FARS2: variants seen among roughly 807,000 people sequenced by gnomAD.
FARS2 encodes phenylalanine--tRNA ligase, mitochondrial.
In FARS2, 40 loss-of-function variants were observed where a neutral mutation model predicts 46.4. That is an observed-to-expected ratio of 0.86 (90% CI 0.67 to 1.12). The LOEUF is 1.12. Among genes scored for constraint, FARS2 ranks in the 50% most tolerant of loss-of-function variants. The pLI is 0.00. For missense variants in FARS2, 513 were observed against 567.9 expected (o/e 0.90, Z 0.98); for synonymous variants, 234 against 214.9 (o/e 1.09, Z -0.78).
chr6:5,714,213 C>T (rs978829982), intron 6 of FARS2, among the ~76,000 whole-genome samples: 1 of 152,104 alleles, frequency 6.6e-6, no homozygotes, highest in Admixed American at 6.5e-5. Context: ...GTTTAGGAGG[C>T]CATCGTTGGG....
chr6:5,433,252 C>T (rs2127773275), intron 4 of FARS2, among the ~76,000 whole-genome samples: 1 of 152,302 alleles, frequency 6.6e-6, no homozygotes. Flanking sequence ...GATACACCCT[C>T]AGAGTTCCAT....
At chr6:5,731,300 C>T (rs1023105580) in intron 6 of FARS2, among the ~76,000 whole-genome samples, 3 of 152,070 alleles carry the variant, frequency 2.0e-5, no homozygotes, top group Non-Finnish European at 4.4e-5. Context: ...TTCCATGTGC[C>T]TTCTTCTTTC....
chr6:5,352,987 C>T (rs1757669178), intron 1 of FARS2, among the ~76,000 whole-genome samples: 1 of 152,128 alleles, frequency 6.6e-6, no homozygotes, highest in Admixed American at 6.5e-5. Context: ...GATAATCACC[C>T]TTCTGCACAG....
chr6:5,358,558 TC>T lies in FARS2; in HGVS notation c.-21-9989del, dbSNP rs577479685. ...TTTCCATTTATTGAGAGGATTTTTT[TC>T]CCTGATATGTTTTGGAAAGCATTGG... On this transcript the variant is annotated intron_variant, in intron 1 of 6. Coordinates refer to ENST00000274680, the MANE Select transcript of FARS2 (RefSeq NM_006567.5). 2.5e-3 allele frequency among the ~76,000 whole-genome samples: 380 copies of T among 152,306 alleles called. 1 individual carries two copies. Among genetic ancestry groups the T allele is most frequent in the African/African-American group, 8.8e-3 (366 of 41,578 alleles).
chr6:5,564,996 G>C (rs180820735), intron 5 of FARS2, among the ~76,000 whole-genome samples: 148 of 152,144 alleles, frequency 9.7e-4, no homozygotes, highest in African/African-American at 3.5e-3. Flanking sequence ...TCAAAGCCTT[G>C]GTAAAATAAC....
At chr6:5,693,730 A>G (rs528119899) in intron 6 of FARS2, among the ~76,000 whole-genome samples, 4 of 152,298 alleles carry the variant, frequency 2.6e-5, no homozygotes, top group Non-Finnish European at 4.4e-5. Context: ...GGGATGAGGC[A>G]TCTTTACTTA....
chr6:5,587,968 A>G (rs1264040868), intron 5 of FARS2, among the ~76,000 whole-genome samples: 2 of 152,176 alleles, frequency 1.3e-5, no homozygotes, highest in East Asian at 3.8e-4. Context: ...ATATTTTAAG[A>G]TAGGTAAAAC....
At chr6:5,636,386 C>T (rs1471888726) in intron 6 of FARS2, among the ~76,000 whole-genome samples, 1 of 152,220 alleles carries the variant, frequency 6.6e-6, no homozygotes, top group African/African-American at 2.4e-5. Context: ...CTGCTTCTCC[C>T]TCCCAATCCA....
chr6:5,394,123 G>T (rs138760281), intron 2 of FARS2, among the ~76,000 whole-genome samples: 1 of 151,910 alleles, frequency 6.6e-6, no homozygotes, highest in African/African-American at 2.4e-5. Context: ...TTCAGAATGA[G>T]GAGGAGCATA....
At chr6:5,373,425 T>C (rs1394945076) in intron 2 of FARS2, among the ~76,000 whole-genome samples, 2 of 152,124 alleles carry the variant, frequency 1.3e-5, no homozygotes, top group Non-Finnish European at 2.9e-5. Context: ...AATGTTGGAC[T>C]TGAGTCTGAT....
At chr6:5,677,295 G>A (rs1011949341) in intron 6 of FARS2, among the ~76,000 whole-genome samples, 5 of 152,196 alleles carry the variant, frequency 3.3e-5, no homozygotes, top group African/African-American at 7.2e-5. Context: ...AAGTAGGTAA[G>A]GTTTGTGTTC....
intron 4 of FARS2, among the ~76,000 whole-genome samples, chr6:5,474,669 T>TTTTG (rs1554099259): frequency 2.0e-5 from 3 of 150,148 alleles, no homozygotes; most frequent in Non-Finnish European, 4.5e-5. Flanking sequence ...TACTGTTTTT[T>TTTTG]TTTTTTTTTT....
intron 6 of FARS2, among the ~76,000 whole-genome samples, chr6:5,654,840 T>TC (rs1270009248): frequency 6.6e-6 from 1 of 152,016 alleles, no homozygotes; most frequent in Non-Finnish European, 1.5e-5. Context: ...CCTCTCCTCT[T>TC]CCTCCTCCTC....
intron 3 of FARS2, among the ~76,000 whole-genome samples, chr6:5,408,746 G>C (rs1761760404): frequency 1.3e-5 from 2 of 152,196 alleles, no homozygotes; most frequent in African/African-American, 4.8e-5. Context: ...GACAATAAAA[G>C]CAGGGAGCAC....
intron 4 of FARS2, among the ~76,000 whole-genome samples, chr6:5,481,164 C>A (rs1271312735): frequency 6.6e-6 from 1 of 152,224 alleles, no homozygotes; most frequent in Non-Finnish European, 1.5e-5. Flanking sequence ...CAAGCATCTT[C>A]TCGTCTCGGT....
At chr6:5,548,044 G>C (rs1771143199) in intron 5 of FARS2, among the ~76,000 whole-genome samples, 1 of 152,174 alleles carries the variant, frequency 6.6e-6, no homozygotes, top group Non-Finnish European at 1.5e-5. Context: ...GTGGGCGAAA[G>C]GCACTTCTTA....
At chr6:5,365,317 C>CTTTTTTTT (rs61097603) in intron 1 of FARS2, among the ~76,000 whole-genome samples, 1,237 of 42,516 alleles carry the variant, frequency 0.029, 381 homozygotes, top group African/African-American at 0.049. Context: ...AGTATACTTT[C>CTTTTTTTT]TTTTTTTTTT....
At chr6:5,626,399 A>G (rs1188358362) in intron 6 of FARS2, among the ~76,000 whole-genome samples, 2 of 152,150 alleles carry the variant, frequency 1.3e-5, no homozygotes, top group Non-Finnish European at 2.9e-5. Flanking sequence ...ACAGCAAGCT[A>G]ACTTCCACTG....
At chr6:5,419,007 C>T (rs1411552319) in intron 3 of FARS2, among the ~76,000 whole-genome samples, 3 of 151,914 alleles carry the variant, frequency 2.0e-5, no homozygotes, top group Admixed American at 2.0e-4. Context: ...ACCTTCCTTC[C>T]TGCAATTTTC....
Sources: gnomAD v4.1 joint callset for allele counts (sites outside exome capture counted in the v4.1 genomes callset) on GRCh38, gnomAD v4.1.1 for gene constraint, MANE v1.5 for transcripts, NCBI Gene and HGNC (gene_info 2026-07-23, HGNC 2026-07-21) for gene names.